The following MYO16 variants were observed in gnomAD, a reference collection of about 807,000 sequenced individuals.
MYO16 encodes myosin XVI.
A neutral mutation model predicts 205.3 loss-of-function variants in MYO16; 94 were observed. That is an observed-to-expected ratio of 0.46 (90% CI 0.39 to 0.54). The LOEUF (loss-of-function observed/expected upper bound fraction) is 0.54, where lower values mean the gene tolerates loss of function less well. Ranked by LOEUF, MYO16 falls within the 20% of genes least tolerant of loss-of-function variation. The pLI, the probability that MYO16 is intolerant of heterozygous loss-of-function variation, is 0.00. For missense variants in MYO16, 2,315 were observed against 2,387.5 expected (o/e 0.97, Z 0.63); for synonymous variants, 988 against 954.0 (o/e 1.04, Z -0.66).
intron 33 of MYO16, among the ~76,000 whole-genome samples, chr13:109,178,709 A>C (rs532086766): frequency 2.6e-5 from 4 of 152,222 alleles, no homozygotes; most frequent in African/African-American, 9.6e-5. Context: ...TTTGCCCTCC[A>C]AGGAACTTTT....
At chr13:108,779,601 A>T (rs1409664910) in intron 4 of MYO16, 1 of 152,182 alleles carries the variant, frequency 6.6e-6, no homozygotes, top group Non-Finnish European at 1.5e-5. Context: ...TACCAGCAAA[A>T]TATGCTAGGA....
At chr13:109,045,435 A>G (rs1213546957) in intron 23 of MYO16, among the ~76,000 whole-genome samples, 1 of 152,236 alleles carries the variant, frequency 6.6e-6, no homozygotes, top group Non-Finnish European at 1.5e-5. Context: ...GTCACATCAT[A>G]TGTAGCTCAC....
At chr13:108,695,964 G>A (rs59549494) in intron 2 of MYO16, among the ~76,000 whole-genome samples, 5 of 152,316 alleles carry the variant, frequency 3.3e-5, no homozygotes, top group African/African-American at 1.2e-4. Flanking sequence ...AATCAGAAGA[G>A]AAACCACTGC....
intron 17 of MYO16, 127 bp downstream of exon 17, chr13:108,957,926 G>T: frequency 1.4e-6 from 1 of 726,468 alleles, no homozygotes; most frequent in Admixed American, 2.2e-5. Context: ...CTGATGATTC[G>T]GCAGACAACA....
In MYO16 at chr13:109,127,287, A is replaced by G; in HGVS notation, c.3788A>G (p.Asp1263Gly). 6.3e-7 allele frequency: 1 copy of G among 1,581,972 alleles called. No individual in the cohort carries two copies. The change falls in exon 31 of 35, where the codon GAT (aspartate) becomes GGT (glycine). Residue 1263 changes from aspartate to glycine, a missense_variant. By Grantham distance (94) the Asp-to-Gly change is moderately conservative (BLOSUM62 -1). Coordinates refer to ENST00000457511, the MANE Select transcript of MYO16 (RefSeq NM_001198950.3). This position sits in a 1 kb window ranked among gnomAD's most constrained non-coding sequence, Gnocchi z 4.2. ...GTGTTTTGTTTCCCCCTAAGAACCGATGACAAGAGTGGACCCAGGCATTTC... is the reference window on the plus strand; with the variant it reads ...GTGTTTTGTTTCCCCCTAAGAACCGGTGACAAGAGTGGACCCAGGCATTTC... ...NMQEEGSKRT[D>G]DKSGPRHFHP...
In MYO16 at chr13:108,866,214, A is replaced by G. The variant is rs778078540; in HGVS notation, c.1397A>G (p.Tyr466Cys). 6.2e-7 allele frequency: 1 copy of G among 1,603,772 alleles called. No individual in the cohort carries two copies. The highest frequency in any genetic ancestry group is 8.5e-7 in the Non-Finnish European group (1 of 1,173,802). ...IGDILLLVNPYKELPIYSSMV... is the reference protein window; with the variant it reads ...IGDILLLVNPCKELPIYSSMV... Reference sequence around the variant, plus strand: ...GACATTCTTTTGCTTGTTAACCCATACAAGGAGCTTCCAATTTATTCTTCC... The same window carrying G: ...GACATTCTTTTGCTTGTTAACCCATGCAAGGAGCTTCCAATTTATTCTTCC... The change falls in exon 12 of 35, where the codon TAC becomes TGC. Residue 466 changes from tyrosine (Y) to cysteine (C), a missense_variant. Coordinates refer to ENST00000457511, the MANE Select transcript of MYO16 (RefSeq NM_001198950.3).
intron 4 of MYO16, among the ~76,000 whole-genome samples, chr13:108,749,811 T>A (rs1885174285): frequency 6.6e-6 from 1 of 152,240 alleles, no homozygotes; most frequent in Non-Finnish European, 1.5e-5. Context: ...TATGGCCATT[T>A]AAAAGCCTAT....
At chr13:108,741,697 G>C (rs1023988385) in intron 4 of MYO16, among the ~76,000 whole-genome samples, 2 of 152,110 alleles carry the variant, frequency 1.3e-5, no homozygotes, top group Non-Finnish European at 2.9e-5. Context: ...CTGCAAATAT[G>C]GAATGCATGA....
rs1011488237 is a variant in MYO16, at chr13:109,170,973, G to A, written c.5323+5914G>A. Among the ~76,000 whole-genome samples the A allele has an allele frequency of 5.9e-5, 9 of 152,120 alleles. No individual in the cohort carries two copies. The South Asian group carries it at 6.2e-4, about 10-fold the overall frequency. On this transcript the variant is annotated intron_variant, in intron 33 of 34. Coordinates refer to ENST00000457511, the MANE Select transcript of MYO16 (RefSeq NM_001198950.3). The stretch of plus-strand genomic sequence containing the variant: ...CACTTGAAAATCTCAAGAGTTATGC[G>A]TGCAAAAGGAAAATTATTTCAATTG...
the MYO16 span, among the ~76,000 whole-genome samples, chr13:108,536,426 A>G: frequency 7.6e-4 from 100 of 130,890 alleles, no homozygotes; most frequent in Admixed American, 2.0e-3. Flanking sequence ...TATGAAATAC[A>G]TGGAATCCTT....
intron 1 of MYO16, 97 bp downstream of exon 1, chr13:108,629,969 A>C: frequency 1.0e-6 from 1 of 1,004,410 alleles, no homozygotes; most frequent in South Asian, 1.6e-5. Context: ...CTGGTATACC[A>C]CATTCAGATG....
At chr13:108,574,706 T>TGC in the MYO16 span, among the ~76,000 whole-genome samples, 4 of 82,396 alleles carry the variant, frequency 4.9e-5, no homozygotes, top group Admixed American at 1.3e-4. Flanking sequence ...TGTGTGTGTG[T>TGC]GTGCGCTTGT....
chr13:109,043,256 A>C (rs1487568359), intron 23 of MYO16, among the ~76,000 whole-genome samples: 1 of 152,204 alleles, frequency 6.6e-6, no homozygotes, highest in Non-Finnish European at 1.5e-5. Context: ...GAACTGAGAA[A>C]TGCGTAGTCA....
intron 27 of MYO16, among the ~76,000 whole-genome samples, chr13:109,090,565 G>A (rs1378746855): frequency 2.0e-5 from 3 of 152,192 alleles, no homozygotes; most frequent in East Asian, 1.9e-4. Flanking sequence ...GGAGTGCATG[G>A]TGAAAGGGGG....
Position 109,164,940 on chromosome 13 carries a change from C to G in MYO16, c.5204C>G (p.Pro1735Arg), listed in dbSNP as rs763617857. The G allele has an allele frequency of 1.6e-5, 25 of 1,606,246 alleles. No individual in the cohort carries two copies. Among genetic ancestry groups the G allele is most frequent in the South Asian group, 1.1e-5 (1 of 89,682 alleles). The stretch of plus-strand genomic sequence containing the variant: ...ATGAACATAAGTAGCCGAGATGACC[C>G]TAGTACGTCAGAAATTACTTCCGAG... Reference protein sequence around the residue: ...TNMNISSRDDPSTSEITSETQ... With the variant: ...TNMNISSRDDRSTSEITSETQ... Residue 1735 changes from proline (P) to arginine (R), a missense_variant, in exon 33 of 35, where the codon CCT (proline) becomes CGT (arginine). Physicochemically the swap from Pro to Arg is moderately radical, Grantham distance 103. Transcript: ENST00000457511.
chr13:108,883,105 T>A lies in MYO16; in HGVS notation c.1472T>A (p.Leu491Gln). The stretch of plus-strand genomic sequence containing the variant: ...TCCTCAGGGAAGCTGTGTTCCTCGC[T>A]GCCTCCTCACCTCTTCTCCTGTGTG... ...FSSSGKLCSSLPPHLFSCVER... is the reference protein window; with the variant it reads ...FSSSGKLCSSQPPHLFSCVER... The change falls in exon 13 of 35, where the codon CTG becomes CAG. Residue 491 changes from leucine (L) to glutamine (Q), a missense_variant. By Grantham distance (113) the Leu-to-Gln change is moderately radical. Transcript: ENST00000457511. The A allele has an allele frequency of 6.2e-7, 1 of 1,614,184 alleles. No individual in the cohort carries two copies. Among genetic ancestry groups the A allele is most frequent in the Non-Finnish European group, 8.5e-7 (1 of 1,180,014 alleles).
At chr13:108,666,260 A>G (rs1881725357) in intron 2 of MYO16, 111 bp downstream of exon 2, 2 of 1,200,012 alleles carry the variant, frequency 1.7e-6, no homozygotes. Flanking sequence ...CCTTTTAAAT[A>G]TTGGAGGCTA....
At chr13:108,713,103 A>G (rs1337704513) in intron 3 of MYO16, among the ~76,000 whole-genome samples, 1 of 152,220 alleles carries the variant, frequency 6.6e-6, no homozygotes, top group African/African-American at 2.4e-5. Flanking sequence ...AAAGGCAAAT[A>G]CAGCCTGCCT....
chr13:108,759,725 G>A (rs1185167533), intron 4 of MYO16, among the ~76,000 whole-genome samples: 2 of 151,722 alleles, frequency 1.3e-5, no homozygotes, highest in East Asian at 2.0e-4. Flanking sequence ...GGAGGCTAAG[G>A]CAGGAGAATG....
Sources: gnomAD v4.1 joint callset for allele counts (sites outside exome capture counted in the v4.1 genomes callset) on GRCh38, gnomAD v4.1.1 for gene constraint, Gnocchi (gnomAD v3.1) non-coding constraint, MANE v1.5 for transcripts, NCBI Gene and HGNC (gene_info 2026-07-23, HGNC 2026-07-21) for gene names.